The following SLC24A2 variants were observed in gnomAD, a reference collection of about 807,000 sequenced individuals.
SLC24A2 encodes the protein sodium/potassium/calcium exchanger 2.
In SLC24A2, 36 loss-of-function variants were observed where a neutral mutation model predicts 62.0. The observed-to-expected ratio is 0.58, with a 90% CI of 0.44 to 0.77. SLC24A2 has a LOEUF of 0.77. SLC24A2 is among the 30% of genes least tolerant of loss of function. SLC24A2 has a pLI of 0.00. For synonymous variants in SLC24A2, 358 were observed against 294.0 expected (o/e 1.22, Z -2.23); for missense variants, 846 against 817.9 (o/e 1.03, Z -0.42).
chr9:19,582,183 C>T (rs1026326620), intron 5 of SLC24A2, among the ~76,000 whole-genome samples: 1 of 152,130 alleles, frequency 6.6e-6, no homozygotes, highest in African/African-American at 2.4e-5. Flanking sequence ...CGAAAAACAA[C>T]CAGCAATCAA....
chr9:20,008,996 A>T, the SLC24A2 span, among the ~76,000 whole-genome samples: 1 of 152,208 alleles, frequency 6.6e-6, no homozygotes, highest in African/African-American at 2.4e-5. Context: ...CTTAGACTGC[A>T]GAACTGAAAA....
intron 2 of SLC24A2, among the ~76,000 whole-genome samples, chr9:19,726,846 A>G (rs1821186870): frequency 6.6e-6 from 1 of 152,148 alleles, no homozygotes; most frequent in African/African-American, 2.4e-5. Flanking sequence ...TTTCTTTTAC[A>G]CCAACGGAGG....
chr9:19,699,646 G>T (rs767976402), intron 2 of SLC24A2, among the ~76,000 whole-genome samples: 95 of 152,192 alleles, frequency 6.2e-4, no homozygotes, highest in South Asian at 2.5e-3. Flanking sequence ...ATACAGTATG[G>T]ATGCATATCT....
the SLC24A2 span, among the ~76,000 whole-genome samples, chr9:19,933,327 T>G: frequency 1.3e-5 from 2 of 152,208 alleles, no homozygotes; most frequent in Non-Finnish European, 2.9e-5. Flanking sequence ...GTCCTGTAGC[T>G]CTTCCTTAGA....
At chr9:19,749,102 C>T (rs1821914005) in intron 2 of SLC24A2, among the ~76,000 whole-genome samples, 2 of 148,292 alleles carry the variant, frequency 1.3e-5, no homozygotes, top group Non-Finnish European at 3.0e-5. Context: ...TTCTAGATAC[C>T]GACCCAAGTT....
At chr9:19,841,939 T>C in the SLC24A2 span, among the ~76,000 whole-genome samples, 14 of 152,340 alleles carry the variant, frequency 9.2e-5, no homozygotes, top group Middle Eastern at 3.4e-3. Context: ...CTTAACAGCA[T>C]GAACTTCTCC....
At chr9:20,214,286 A>T in the SLC24A2 span, among the ~76,000 whole-genome samples, 1 of 152,048 alleles carries the variant, frequency 6.6e-6, no homozygotes, top group East Asian at 1.9e-4. Context: ...CTGCTGTACT[A>T]TATTGCACCT....
chr9:19,520,105 A>T (rs1833118173), intron 10 of SLC24A2, among the ~76,000 whole-genome samples: 2 of 152,214 alleles, frequency 1.3e-5, no homozygotes, highest in African/African-American at 4.8e-5. Context: ...GGAAGACAGA[A>T]CAATATTTAA....
At chr9:20,130,082 C>T in the SLC24A2 span, among the ~76,000 whole-genome samples, 1 of 151,904 alleles carries the variant, frequency 6.6e-6, no homozygotes, top group African/African-American at 2.4e-5. Context: ...AACCACACAC[C>T]TTTGTCATCT....
intron 7 of SLC24A2, among the ~76,000 whole-genome samples, chr9:19,558,787 T>G (rs1184892865): frequency 6.6e-6 from 1 of 152,244 alleles, no homozygotes; most frequent in Admixed American, 6.5e-5. Flanking sequence ...CTTTCATTAT[T>G]GGAGCATTGA....
At chr9:19,709,733 C>T (rs1330179981) in intron 2 of SLC24A2, among the ~76,000 whole-genome samples, 1 of 123,236 alleles carries the variant, frequency 8.1e-6, no homozygotes, top group Non-Finnish European at 1.6e-5. Context: ...GGGGAAATCA[C>T]ACTCTGGGGA....
At chr9:20,087,183 C>G in the SLC24A2 span, among the ~76,000 whole-genome samples, 1 of 152,150 alleles carries the variant, frequency 6.6e-6, no homozygotes, top group Non-Finnish European at 1.5e-5. Flanking sequence ...ATTCTGGTCC[C>G]AAATGTGGAC....
In SLC24A2 at chr9:19,765,163, A is replaced by G. The variant is rs576035716; in HGVS notation, c.930+20774T>C. The stretch of plus-strand genomic sequence containing the variant: ...GCATTTGCTTAGTAAATCTTCCTGC[A>G]TCCCTTTATTTTGAGCCTATGTATG... On this transcript the variant is annotated intron_variant, in intron 2 of 10. Coordinates refer to ENST00000341998, the MANE Select transcript of SLC24A2 (RefSeq NM_020344.4). Among the ~76,000 whole-genome samples the G allele has an allele frequency of 2.2e-4, 33 of 151,898 alleles. No individual in the cohort carries two copies. The South Asian group carries it at 6.7e-3, about 31-fold the overall frequency.
the SLC24A2 span, among the ~76,000 whole-genome samples, chr9:19,860,346 G>T: frequency 1.3e-5 from 2 of 152,170 alleles, no homozygotes; most frequent in African/African-American, 2.4e-5. Flanking sequence ...CCCTAGACCA[G>T]AAGGGAACCT....
At chr9:19,638,351 AT>A (rs1263850475) in intron 2 of SLC24A2, among the ~76,000 whole-genome samples, 1 of 152,178 alleles carries the variant, frequency 6.6e-6, no homozygotes, top group Non-Finnish European at 1.5e-5. Flanking sequence ...AGGAAATCAA[AT>A]TTTAGTAAGT....
the SLC24A2 span, among the ~76,000 whole-genome samples, chr9:20,261,733 C>CTTTTTTTTTTTTTTTTTTTTTTTTTTTT: frequency 1.3e-5 from 1 of 75,282 alleles, no homozygotes; most frequent in Non-Finnish European, 2.3e-5. Flanking sequence ...AACACCAAAT[C>CTTTTTTTTTTTTTTTTTTTTTTTTTTTT]TTTTTTTTTT....
intron 2 of SLC24A2, among the ~76,000 whole-genome samples, chr9:19,656,478 T>C (rs933448961): frequency 3.3e-5 from 5 of 152,194 alleles, no homozygotes; most frequent in African/African-American, 9.7e-5. Flanking sequence ...CCCAAGTCTT[T>C]CTTTATTCAT....
the SLC24A2 span, among the ~76,000 whole-genome samples, chr9:19,918,172 A>G: frequency 7.3e-6 from 1 of 136,672 alleles, no homozygotes; most frequent in Admixed American, 7.2e-5. Flanking sequence ...GTGTGTGTGT[A>G]TACATACACA....
intron 7 of SLC24A2, among the ~76,000 whole-genome samples, chr9:19,557,500 A>T (rs921737095): frequency 2.6e-5 from 4 of 152,234 alleles, no homozygotes; most frequent in African/African-American, 9.6e-5. Flanking sequence ...TCATGTCTCC[A>T]GAAACGTGAC....
Sources: gnomAD v4.1 joint callset for allele counts (sites outside exome capture counted in the v4.1 genomes callset) on GRCh38, gnomAD v4.1.1 for gene constraint, MANE v1.5 for transcripts, NCBI Gene and HGNC (gene_info 2026-07-23, HGNC 2026-07-21) for gene names.